The following FBXO4 variants were observed in gnomAD, a reference collection of about 807,000 sequenced individuals.
The protein encoded by FBXO4 is F-box only protein 4.
Under a neutral mutation model 43.7 loss-of-function variants are expected in FBXO4, and 36 were observed. The ratio of observed to expected loss-of-function variants is 0.82; its 90% CI spans 0.63 to 1.09. The LOEUF (loss-of-function observed/expected upper bound fraction) is 1.09, where lower values mean the gene tolerates loss of function less well. FBXO4 is among the 50% of genes least tolerant of loss of function. FBXO4 has a pLI of 0.00. For missense variants in FBXO4, 435 were observed against 474.1 expected (o/e 0.92, Z 0.77); for synonymous variants, 180 against 165.6 (o/e 1.09, Z -0.67).
At chr5:41,939,331 G>A (rs990340839) in intron 5 of FBXO4, 110 bp from the exon 6 acceptor site, 26 of 971,454 alleles carry the variant, frequency 2.7e-5, no homozygotes, top group Non-Finnish European at 3.9e-5. Flanking sequence ...CTCAGTTTAT[G>A]TTTGGATCCT....
intron 3 of FBXO4, among the ~76,000 whole-genome samples, chr5:41,932,639 A>G (rs1751723661): frequency 1.3e-5 from 2 of 152,240 alleles, no homozygotes; most frequent in African/African-American, 4.8e-5. Context: ...ATTAGATACC[A>G]TTATTAAAAA....
chr5:41,980,859 G>T, the FBXO4 span, among the ~76,000 whole-genome samples: 1 of 151,132 alleles, frequency 6.6e-6, no homozygotes, highest in South Asian at 2.1e-4. Flanking sequence ...GGAAAATATA[G>T]ACAAGATTTA....
intron 5 of FBXO4, among the ~76,000 whole-genome samples, chr5:41,937,518 A>G (rs1446839973): frequency 6.6e-6 from 1 of 152,142 alleles, no homozygotes; most frequent in African/African-American, 2.4e-5. Context: ...CCAGACCTGT[A>G]TATCAGTCCA....
At chr5:42,035,719 A>G in the FBXO4 span, among the ~76,000 whole-genome samples, 134 of 152,260 alleles carry the variant, frequency 8.8e-4, no homozygotes, top group African/African-American at 3.0e-3. Flanking sequence ...CTTGCAGCTC[A>G]AACTGTCATG....
At chr5:42,033,241 C>A in the FBXO4 span, among the ~76,000 whole-genome samples, 1 of 152,128 alleles carries the variant, frequency 6.6e-6, no homozygotes, top group Non-Finnish European at 1.5e-5. Context: ...TAGCAGGTTG[C>A]ATCTTCCCAC....
the FBXO4 span, among the ~76,000 whole-genome samples, chr5:41,953,010 T>C: frequency 2.0e-5 from 3 of 152,194 alleles, no homozygotes; most frequent in East Asian, 3.8e-4. Flanking sequence ...TTTCTTCTTA[T>C]TATACTTTAA....
chr5:42,022,038 C>T, the FBXO4 span, among the ~76,000 whole-genome samples: 1 of 152,106 alleles, frequency 6.6e-6, no homozygotes, highest in Non-Finnish European at 1.5e-5. Flanking sequence ...TTTGGAAACA[C>T]TTTGGGTACG....
chr5:41,927,342 T>C (rs938993910), intron 2 of FBXO4, 94 bp downstream of exon 2: 7 of 929,986 alleles, frequency 7.5e-6, no homozygotes, highest in African/African-American at 6.7e-5. Flanking sequence ...GCTACTGATT[T>C]GTTGCGTGGA....
Position 41,925,357 on chromosome 5 carries a change from CT to C in FBXO4, c.50del (p.Phe17SerfsTer22), listed in dbSNP as rs1396534358. 1 of 1,372,564 alleles carries C rather than the reference CT, an allele frequency of 7.3e-7. No homozygotes were observed. The allele number at this position is 1,372,564 out of a possible 1,614,324, so 85.0% of individuals were successfully genotyped here. A position where few individuals can be genotyped will look rare whatever the true frequency, so the allele number is the denominator to read the frequency against. ...GCGGAACAAACTCGCCGCCGCCGCCCTTCAGCGACTGGGGCCGCCTGGAGGC... is the reference window on the plus strand; with the variant it reads ...GCGGAACAAACTCGCCGCCGCCGCCCTCAGCGACTGGGGCCGCCTGGAGGC... Reference protein sequence around the residue: ...RSGTNSPPPPFSDWGRLEAAI... With the variant: ...RSGTNSPPPPXSDWGRLEAAI... On this transcript the variant is annotated frameshift_variant, in exon 1 of 7. Coordinates refer to ENST00000281623, the MANE Select transcript of FBXO4 (RefSeq NM_012176.3). LOFTEE classifies it high-confidence loss of function.
chr5:41,995,406 G>A, the FBXO4 span, among the ~76,000 whole-genome samples: 2 of 152,224 alleles, frequency 1.3e-5, no homozygotes, highest in African/African-American at 4.8e-5. Context: ...ACCCTGAGAA[G>A]TGGTGCAATA....
the FBXO4 span, among the ~76,000 whole-genome samples, chr5:42,012,143 T>C: frequency 6.6e-6 from 1 of 152,170 alleles, no homozygotes; most frequent in South Asian, 2.1e-4. Flanking sequence ...CAGGAAACCC[T>C]AACTAAGAGC....
chr5:42,026,108 G>T, the FBXO4 span, among the ~76,000 whole-genome samples: 2 of 151,778 alleles, frequency 1.3e-5, no homozygotes, highest in African/African-American at 4.8e-5. Context: ...GAATTGCATT[G>T]ATTCTGTAGA....
chr5:42,032,720 AC>A, the FBXO4 span, among the ~76,000 whole-genome samples: 3 of 151,702 alleles, frequency 2.0e-5, no homozygotes, highest in Admixed American at 1.3e-4. Flanking sequence ...TTGGTGCTCT[AC>A]CCCCCCGTGG....
rs1277242786 is a variant in FBXO4 at position 41,925,327 on chromosome 5, G to A, written c.18G>A (p.Pro6=). The stretch of plus-strand genomic sequence containing the variant: ...GGCAAGCCATGGCGGGAAGCGAGCC[G>A]CGCAGCGGAACAAACTCGCCGCCGC... MAGSE[P]RSGTNSPPPP... Residue 6 remains proline, a synonymous_variant, in exon 1 of 7, where the codon CCG becomes CCA. Transcript: ENST00000281623. 1 of 1,346,532 alleles carries A rather than the reference G, an allele frequency of 7.4e-7. No individual in the cohort carries two copies. The highest frequency in any genetic ancestry group is 1.5e-5 in the African/African-American group (1 of 65,226). The allele number at this position is 1,346,532 out of a possible 1,614,324, so 83.4% of individuals were successfully genotyped here.
chr5:41,971,751 T>C, the FBXO4 span, among the ~76,000 whole-genome samples: 2 of 152,146 alleles, frequency 1.3e-5, no homozygotes, highest in African/African-American at 2.4e-5. Context: ...GTTTAGTTTA[T>C]TAAAGGAAGA....
the FBXO4 span, among the ~76,000 whole-genome samples, chr5:41,947,193 C>T: frequency 6.6e-6 from 1 of 152,180 alleles, no homozygotes; most frequent in Admixed American, 6.5e-5. Flanking sequence ...AATGAAAGTA[C>T]CTGGAATATT....
At chr5:41,964,883 T>C in the FBXO4 span, among the ~76,000 whole-genome samples, 1 of 152,214 alleles carries the variant, frequency 6.6e-6, no homozygotes, top group Non-Finnish European at 1.5e-5. Flanking sequence ...AGCTCTTTAG[T>C]TTAACTAGAT....
the FBXO4 span, chr5:41,967,935 G>T: frequency 5.7e-6 from 3 of 525,552 alleles, no homozygotes; most frequent in South Asian, 1.4e-5. Flanking sequence ...TTTTGTTGAG[G>T]ATATGGCAGA....
chr5:41,998,123 A>T, the FBXO4 span, among the ~76,000 whole-genome samples: 23 of 152,132 alleles, frequency 1.5e-4, no homozygotes, highest in Non-Finnish European at 3.1e-4. Context: ...TCTGATTGCC[A>T]CTTTGCCTCT....
Sources: gnomAD v4.1 joint callset for allele counts (sites outside exome capture counted in the v4.1 genomes callset) on GRCh38, gnomAD v4.1.1 for gene constraint, MANE v1.5 for transcripts, NCBI Gene and HGNC (gene_info 2026-07-23, HGNC 2026-07-21) for gene names.